Variants in USH2A observed in about 807,000 individuals in gnomAD.
USH2A encodes the protein Usher syndrome 2A (autosomal recessive, mild).
Under a neutral mutation model 538.9 loss-of-function variants are expected in USH2A, and 443 were observed. The observed-to-expected ratio is 0.82, with a 90% CI of 0.76 to 0.89. The LOEUF is 0.89. Among genes scored for constraint, USH2A ranks in the 40% least tolerant of loss-of-function variants. The pLI is 0.00. For missense variants in USH2A, 6,633 were observed against 6,324.8 expected (o/e 1.05, Z -1.65); for synonymous variants, 2,413 against 2,273.5 (o/e 1.06, Z -1.75).
At chr1:215,944,706 A>G (rs757327501) in intron 37 of USH2A, among the ~76,000 whole-genome samples, 44 of 152,138 alleles carry the variant, frequency 2.9e-4, no homozygotes, top group Non-Finnish European at 6.3e-4. Flanking sequence ...TAATAAGAGT[A>G]ACTGAAGAGT....
At chr1:215,743,084 T>C (rs1287432700) in intron 59 of USH2A, 93 bp downstream of exon 59, 8 of 1,475,182 alleles carry the variant, frequency 5.4e-6, no homozygotes, top group Non-Finnish European at 7.5e-6. Context: ...TTAGTCTTTA[T>C]ATTTGGACTG....
At chr1:215,670,675 C>T (rs1292375278) in intron 64 of USH2A, among the ~76,000 whole-genome samples, 1 of 152,028 alleles carries the variant, frequency 6.6e-6, no homozygotes, top group African/African-American at 2.4e-5. Context: ...ACCAAGGCAA[C>T]GCTGACAGAG....
At chr1:216,289,009 C>T (rs1442689069) in intron 11 of USH2A, among the ~76,000 whole-genome samples, 3 of 152,044 alleles carry the variant, frequency 2.0e-5, no homozygotes, top group African/African-American at 7.2e-5. Flanking sequence ...ACATATACCC[C>T]AATTTACTTA....
intron 19 of USH2A, among the ~76,000 whole-genome samples, chr1:216,195,334 C>G (rs957427927): frequency 6.6e-6 from 1 of 152,082 alleles, no homozygotes; most frequent in Non-Finnish European, 1.5e-5. Context: ...AACCTCAGCT[C>G]ATACCTATGA....
At position 215,888,566 on chromosome 1, in the gene USH2A, T is replaced by A. The variant is rs775921966; in HGVS notation, c.8083A>T (p.Lys2695Ter). Residue 2695 changes from lysine (K) to a stop codon, truncating the protein, a stop_gained, in exon 41 of 72, where the codon AAA (lysine) becomes TAA (stop). Transcript: ENST00000307340. LOFTEE classifies it high-confidence loss of function. The part of the protein sequence containing the change: ...DKTSALSPWT[K>*]YEYRVLMSTL... ...CTCATCAGTACCCGATATTCATATTTTGTCCATGGGCTAAGAGCAGAAGTC... is the reference window on the plus strand; with the variant it reads ...CTCATCAGTACCCGATATTCATATTATGTCCATGGGCTAAGAGCAGAAGTC... 1 of 1,614,180 alleles carries A rather than the reference T, an allele frequency of 6.2e-7. No homozygotes were observed. The highest frequency in any genetic ancestry group is 1.3e-5 in the African/African-American group (1 of 75,070).
intron 67 of USH2A, among the ~76,000 whole-genome samples, chr1:215,642,966 T>C (rs994442553): frequency 2.6e-5 from 4 of 152,218 alleles, no homozygotes; most frequent in African/African-American, 9.6e-5. Context: ...TGATCACATC[T>C]ATATAAAACT....
chr1:215,627,505 T>TTTCC (rs753062915), intron 71 of USH2A, among the ~76,000 whole-genome samples: 30 of 134,352 alleles, frequency 2.2e-4, no homozygotes, highest in Non-Finnish European at 2.6e-4. Context: ...TCCTTCCTTC[T>TTTCC]TTCCTTCCTT....
At chr1:216,196,771 C>T in intron 18 of USH2A, 49 bp from the exon 19 acceptor site, 1 of 1,575,076 alleles carries the variant, frequency 6.3e-7, no homozygotes, top group Non-Finnish European at 8.7e-7. Flanking sequence ...AATGTCGTCC[C>T]TATATATTTT....
In USH2A at chr1:216,318,829, G is replaced by A. The variant is rs186685662; in HGVS notation, c.1644+3054C>T. On this transcript the variant is annotated intron_variant, in intron 9 of 71. Coordinates refer to ENST00000307340, the MANE Select transcript of USH2A (RefSeq NM_206933.4). ...ACATTCACCACCTGAGACCAAGTCTGAAAATCCCAACTTGTCTTCTGAAAC... is the reference window on the plus strand; with the variant it reads ...ACATTCACCACCTGAGACCAAGTCTAAAAATCCCAACTTGTCTTCTGAAAC... Among the ~76,000 whole-genome samples the A allele has an allele frequency of 1.4e-3, 215 of 152,254 alleles. 1 individual carries two copies. Among genetic ancestry groups the A allele is most frequent in the Middle Eastern group, 6.8e-3 (2 of 294 alleles).
At chr1:215,949,442 A>G (rs1666855931) in intron 37 of USH2A, among the ~76,000 whole-genome samples, 1 of 152,110 alleles carries the variant, frequency 6.6e-6, no homozygotes, top group Non-Finnish European at 1.5e-5. Context: ...AAGAATATGC[A>G]TATGAAAAGA....
chr1:215,843,552 GT>G (rs1663751940), intron 46 of USH2A, among the ~76,000 whole-genome samples: 6 of 152,108 alleles, frequency 3.9e-5, no homozygotes, highest in Non-Finnish European at 5.9e-5. Flanking sequence ...CTGAAATTAT[GT>G]GTTAAATTTT....
At chr1:216,348,272 C>A (rs746623734) in intron 4 of USH2A, among the ~76,000 whole-genome samples, 2 of 152,066 alleles carry the variant, frequency 1.3e-5, no homozygotes, top group African/African-American at 2.4e-5. Flanking sequence ...TGTTATTTTA[C>A]CAAGACTTTC....
intron 11 of USH2A, among the ~76,000 whole-genome samples, chr1:216,276,377 T>C (rs762082938): frequency 6.6e-6 from 1 of 151,992 alleles, no homozygotes; most frequent in African/African-American, 2.4e-5. Flanking sequence ...CAAAACAACA[T>C]GTGGGTAAGT....
intron 35 of USH2A, among the ~76,000 whole-genome samples, chr1:215,986,833 G>C (rs985069309): frequency 6.6e-6 from 1 of 152,102 alleles, no homozygotes; most frequent in East Asian, 1.9e-4. Context: ...TAATTCATTC[G>C]ACAGCTTTAT....
intron 56 of USH2A, among the ~76,000 whole-genome samples, chr1:215,765,315 C>T (rs534120179): frequency 6.6e-6 from 1 of 152,210 alleles, no homozygotes; most frequent in Admixed American, 6.5e-5. Context: ...ATGAAACATT[C>T]TTTATATAGA....
At chr1:215,833,862 G>T (rs1663399048) in intron 47 of USH2A, among the ~76,000 whole-genome samples, 1 of 151,714 alleles carries the variant, frequency 6.6e-6, no homozygotes, top group Non-Finnish European at 1.5e-5. Flanking sequence ...AGAAAACAAA[G>T]AATCTAATTA....
At chr1:215,654,504 TG>T (rs1434697167) in intron 64 of USH2A, among the ~76,000 whole-genome samples, 6 of 152,218 alleles carry the variant, frequency 3.9e-5, no homozygotes, top group Non-Finnish European at 8.8e-5. Context: ...CTTTCACATG[TG>T]AATGAGTGGG....
At chr1:216,182,790 T>C (rs1001527435) in intron 20 of USH2A, among the ~76,000 whole-genome samples, 4 of 152,062 alleles carry the variant, frequency 2.6e-5, no homozygotes, top group Non-Finnish European at 5.9e-5. Context: ...TTCAAGTCTG[T>C]CAGATTTACT....
chr1:216,035,176 C>G (rs1436772), intron 32 of USH2A, among the ~76,000 whole-genome samples: 142,726 of 152,278 alleles, frequency 0.94, 66,984 homozygotes, highest in African/African-American at 0.98. Flanking sequence ...TAGAGTTACA[C>G]GTTGAATTGT....
Sources: gnomAD v4.1 joint callset for allele counts (sites outside exome capture counted in the v4.1 genomes callset) on GRCh38, gnomAD v4.1.1 for gene constraint, MANE v1.5 for transcripts, NCBI Gene and HGNC (gene_info 2026-07-23, HGNC 2026-07-21) for gene names.